The following GNA14 variants were observed in gnomAD, a reference collection of about 807,000 sequenced individuals.
GNA14 encodes the protein G protein subunit alpha 14, also known as guanine nucleotide-binding protein subunit alpha-14.
Under a neutral mutation model 42.0 loss-of-function variants are expected in GNA14, and 50 were observed. That is an observed-to-expected ratio of 1.19 (90% CI 0.95 to 1.51). GNA14 has a LOEUF of 1.51. GNA14 is among the 40% of genes most tolerant of loss of function. The pLI is 0.00. For synonymous variants in GNA14, 173 were observed against 163.1 expected, an observed-to-expected ratio of 1.06 and a Z score of -0.46; for missense variants, 473 against 446.2, an observed-to-expected ratio of 1.06 and a Z score of -0.54.
At chr9:77,610,969 T>C (rs1764806143) in intron 1 of GNA14, among the ~76,000 whole-genome samples, 1 of 152,168 alleles carries the variant, frequency 6.6e-6, no homozygotes, top group Non-Finnish European at 1.5e-5. Flanking sequence ...CCTTGCCAAA[T>C]TGGGGTTTTA....
At chr9:77,460,955 C>T (rs1836094334) in intron 2 of GNA14, among the ~76,000 whole-genome samples, 1 of 152,344 alleles carries the variant, frequency 6.6e-6, no homozygotes, top group South Asian at 2.1e-4. Context: ...TCACAGACGT[C>T]AAGGGCTCAG....
intron 2 of GNA14, among the ~76,000 whole-genome samples, chr9:77,465,105 A>G (rs1332723091): frequency 6.6e-5 from 10 of 152,192 alleles, no homozygotes; most frequent in Non-Finnish European, 1.3e-4. Flanking sequence ...ACTATGAAAG[A>G]ATACATTTCT....
intron 1 of GNA14, among the ~76,000 whole-genome samples, chr9:77,598,186 G>A (rs1002456942): frequency 6.6e-6 from 1 of 152,180 alleles, no homozygotes; most frequent in Non-Finnish European, 1.5e-5. Flanking sequence ...GCTGGGCAAA[G>A]AACTCTATTA....
intron 2 of GNA14, among the ~76,000 whole-genome samples, chr9:77,518,895 A>G (rs1837305064): frequency 6.6e-6 from 1 of 152,212 alleles, no homozygotes; most frequent in South Asian, 2.1e-4. Context: ...TAGATAAAAT[A>G]CGCAGTTAAA....
chr9:77,427,161 A>AT (rs1835466292), intron 5 of GNA14, among the ~76,000 whole-genome samples: 1 of 152,150 alleles, frequency 6.6e-6, no homozygotes, highest in Admixed American at 6.5e-5. Context: ...ATATTTTGTG[A>AT]TTTTTAGAAG....
Position 77,473,611 on chromosome 9 carries a change from ATTTT to A in GNA14, c.310-39093_310-39090del, listed in dbSNP as rs200957339. Among the ~76,000 whole-genome samples the A allele has an allele frequency of 7.5e-4, 99 of 132,544 alleles. 1 individual carries two copies. Among genetic ancestry groups the A allele is most frequent in the African/African-American group, 2.5e-3 (93 of 36,672 alleles). 87.0% of individuals were successfully genotyped at this position (132,544 alleles called of 152,430 possible). A position where few individuals can be genotyped will look rare whatever the true frequency, so the allele number is the denominator to read the frequency against. ...CAATCTCTATTAAAATTTCACCTGGATTTTTTTTTTTTTTTTTTTGGCAGAAATT... is the reference window on the plus strand; with the variant it reads ...CAATCTCTATTAAAATTTCACCTGGATTTTTTTTTTTTTTTGGCAGAAATT... On this transcript the variant is annotated intron_variant, in intron 2 of 6. Coordinates refer to ENST00000341700, the MANE Select transcript of GNA14 (RefSeq NM_004297.4).
At chr9:77,627,638 A>C (rs184339677) in intron 1 of GNA14, among the ~76,000 whole-genome samples, 58 of 152,344 alleles carry the variant, frequency 3.8e-4, no homozygotes, top group Non-Finnish European at 7.3e-4. Context: ...ACCAACGCCC[A>C]AAAACCACGA....
chr9:77,601,058 C>T (rs1823553823), intron 1 of GNA14, among the ~76,000 whole-genome samples: 1 of 152,224 alleles, frequency 6.6e-6, no homozygotes, highest in African/African-American at 2.4e-5. Flanking sequence ...GGGAAGTTCG[C>T]GCCTTGTGCA....
chr9:77,541,201 C>T (rs937375951), intron 1 of GNA14, among the ~76,000 whole-genome samples: 6 of 152,082 alleles, frequency 3.9e-5, no homozygotes, highest in Admixed American at 1.3e-4. Context: ...CTTCTTTGTG[C>T]CTTTCTTGTA....
intron 2 of GNA14, among the ~76,000 whole-genome samples, chr9:77,500,960 CT>C (rs796216032): frequency 8.0e-4 from 117 of 146,202 alleles, no homozygotes; most frequent in Admixed American, 8.9e-4. Context: ...TAGTTGAACT[CT>C]TTTTTTTTTT....
chr9:77,483,641 TTTTG>T (rs780221285), intron 2 of GNA14, among the ~76,000 whole-genome samples: 6 of 152,180 alleles, frequency 3.9e-5, no homozygotes, highest in Non-Finnish European at 7.4e-5. Context: ...ACTGCTGTCT[TTTTG>T]TTTGTCTGTG....
chr9:77,479,051 C>T (rs1454136467), intron 2 of GNA14, among the ~76,000 whole-genome samples: 1 of 152,112 alleles, frequency 6.6e-6, no homozygotes, highest in African/African-American at 2.4e-5. Flanking sequence ...TCAATTTTGG[C>T]TTTTGTTGCC....
chr9:77,560,488 GT>G (rs1036671594), intron 1 of GNA14, among the ~76,000 whole-genome samples: 1 of 151,406 alleles, frequency 6.6e-6, no homozygotes, highest in Non-Finnish European at 1.5e-5. Context: ...TGTTTGGTTG[GT>G]TTTTTTTGTA....
chr9:77,605,433 A>G (rs1013654136), intron 1 of GNA14, among the ~76,000 whole-genome samples: 6 of 152,208 alleles, frequency 3.9e-5, no homozygotes, highest in Non-Finnish European at 8.8e-5. Flanking sequence ...CAGAGGCAGG[A>G]AGGTCACTCT....
At chr9:77,637,160 T>C (rs1054743735) in intron 1 of GNA14, among the ~76,000 whole-genome samples, 5 of 152,180 alleles carry the variant, frequency 3.3e-5, no homozygotes, top group African/African-American at 7.2e-5. Context: ...AAGAAAAAAA[T>C]AGTTTCCATT....
intron 2 of GNA14, among the ~76,000 whole-genome samples, chr9:77,439,606 C>T (rs11145425): frequency 5.9e-5 from 9 of 152,294 alleles, no homozygotes; most frequent in African/African-American, 1.2e-4. Flanking sequence ...CACCGCACTT[C>T]GGCCTGAGTG....
intron 2 of GNA14, among the ~76,000 whole-genome samples, chr9:77,434,888 T>C (rs898024221): frequency 1.3e-5 from 2 of 152,070 alleles, no homozygotes; most frequent in Non-Finnish European, 2.9e-5. Flanking sequence ...TATGACTCAT[T>C]TGAGTATCTG....
At chr9:77,536,097 T>C (rs1837593801) in intron 1 of GNA14, among the ~76,000 whole-genome samples, 1 of 152,018 alleles carries the variant, frequency 6.6e-6, no homozygotes, top group East Asian at 1.9e-4. Context: ...TTCTCGCAAA[T>C]AGAGGAGGTG....
chr9:77,565,034 T>TG (rs1822944942), intron 1 of GNA14, among the ~76,000 whole-genome samples: 1 of 152,220 alleles, frequency 6.6e-6, no homozygotes, highest in African/African-American at 2.4e-5. Context: ...TTTCCTACTG[T>TG]GCATATTGTT....
Sources: allele counts gnomAD v4.1 joint callset (sites outside exome capture counted in the v4.1 genomes callset), GRCh38; gene constraint gnomAD v4.1.1; transcripts MANE v1.5; gene names NCBI Gene and HGNC (gene_info 2026-07-23, HGNC 2026-07-21).